Variants in KPNA1 observed in about 807,000 individuals in gnomAD.
The protein encoded by KPNA1 is karyopherin subunit alpha 1, also known as importin subunit alpha-5.
Under a neutral mutation model 70.5 loss-of-function variants are expected in KPNA1, and 10 were observed. The ratio of observed to expected loss-of-function variants is 0.14; its 90% confidence interval spans 0.09 to 0.24. The LOEUF is 0.24. Among genes scored for constraint, KPNA1 ranks in the 10% least tolerant of loss-of-function variants. The pLI, the probability that KPNA1 is intolerant of heterozygous loss-of-function variation, is 1.00. For missense variants in KPNA1, 397 were observed against 637.9 expected (o/e 0.62, Z 4.07); for synonymous variants, 192 against 221.9 (o/e 0.87, Z 1.20).
At position 122,457,938 on chromosome 3, in the gene KPNA1, A is replaced by G. The variant is rs2076282474; in HGVS notation, c.432+3286T>C. On this transcript the variant is annotated intron_variant, in intron 5 of 13. Coordinates refer to ENST00000344337, the MANE Select transcript of KPNA1 (RefSeq NM_002264.4). ...AGAACAGTGCCTGAGTCATCTGAGC[A>G]ACTTTCCAGGAAAGGCAGAGAGATC... 2.7e-6 allele frequency: 3 copies of G among 1,130,268 alleles called. No homozygotes were observed. In the African/African-American group the frequency reaches 4.9e-5, roughly 18 times the overall value. The allele number at this position is 1,130,268 out of a possible 1,614,324, so 70.0% of individuals were successfully genotyped here. A position where few individuals can be genotyped will look rare whatever the true frequency, so the allele number is the denominator to read the frequency against.
At chr3:122,439,108 C>A (rs1001833606) in intron 10 of KPNA1, among the ~76,000 whole-genome samples, 1 of 152,180 alleles carries the variant, frequency 6.6e-6, no homozygotes, top group South Asian at 2.1e-4. Flanking sequence ...AAAAGAGGGA[C>A]TGACACTGCA....
chr3:122,443,244 C>T (rs76170335), intron 9 of KPNA1: 34,180 of 152,356 alleles, frequency 0.22, 4,264 homozygotes, highest in Non-Finnish European at 0.27. Flanking sequence ...TGCAGCCTGG[C>T]GGGGGGAGGG....
At chr3:122,427,427 A>G in intron 13 of KPNA1, 111 bp downstream of exon 13, 1 of 1,120,560 alleles carries the variant, frequency 8.9e-7, no homozygotes, top group South Asian at 1.6e-5. Flanking sequence ...GCAATTTCCT[A>G]ACAGTCCTCT....
At chr3:122,486,624 G>C (rs920964549) in intron 2 of KPNA1, among the ~76,000 whole-genome samples, 1 of 151,196 alleles carries the variant, frequency 6.6e-6, no homozygotes, top group Admixed American at 6.6e-5. Context: ...GTCTCGCTCT[G>C]TCGCCCAGGC....
rs2075831606 is a variant in KPNA1, at chr3:122,427,004, A to G, written c.1598T>C (p.Met533Thr). 1 of 1,614,112 alleles carries G rather than the reference A, an allele frequency of 6.2e-7. No homozygotes were observed. The change falls in exon 14 of 14, where the codon ATG (methionine) becomes ACG (threonine). Residue 533 changes from methionine to threonine, a missense_variant. Coordinates refer to ENST00000344337, the MANE Select transcript of KPNA1 (RefSeq NM_002264.4). ...QYIFQQCEAP[M>T]EGFQL ...ATTGCTTCAAAGCTGGAAACCTTCC[A>G]TAGGAGCCTCACACTGTTGGAAGAT...
intron 10 of KPNA1, among the ~76,000 whole-genome samples, chr3:122,439,685 G>A (rs1396092105): frequency 6.6e-6 from 1 of 152,120 alleles, no homozygotes; most frequent in East Asian, 1.9e-4. Flanking sequence ...CTGTTATTAG[G>A]GGGAATAAAT....
At chr3:122,504,841 T>C (rs2076872540) in intron 1 of KPNA1, among the ~76,000 whole-genome samples, 1 of 152,108 alleles carries the variant, frequency 6.6e-6, no homozygotes, top group South Asian at 2.1e-4. Flanking sequence ...CTCATCAGTA[T>C]CCATAAATGA....
At chr3:122,474,626 C>T (rs1273995754) in intron 2 of KPNA1, among the ~76,000 whole-genome samples, 1 of 152,030 alleles carries the variant, frequency 6.6e-6, no homozygotes, top group Non-Finnish European at 1.5e-5. Context: ...GAAACACTAA[C>T]AAAATTCAAC....
At chr3:122,506,245 T>C (rs1377790453) in intron 1 of KPNA1, among the ~76,000 whole-genome samples, 3 of 152,254 alleles carry the variant, frequency 2.0e-5, no homozygotes, top group African/African-American at 7.2e-5. Flanking sequence ...AATCCTAATA[T>C]ACTTAATTCC....
At chr3:122,452,480 G>T (rs780047401) in intron 6 of KPNA1, among the ~76,000 whole-genome samples, 5 of 145,556 alleles carry the variant, frequency 3.4e-5, no homozygotes, top group Non-Finnish European at 7.5e-5. Context: ...ATGCACTCCA[G>T]CCTGGGTGAC....
At chr3:122,492,150 G>A (rs1296242017) in intron 2 of KPNA1, among the ~76,000 whole-genome samples, 12 of 152,078 alleles carry the variant, frequency 7.9e-5, no homozygotes, top group East Asian at 3.9e-4. Context: ...GTGAGCCACC[G>A]TGCCCGGCCC....
In KPNA1 at chr3:122,424,213, A is replaced by G. The variant is rs1426167740; in HGVS notation, c.*2772T>C. On this transcript the variant is annotated 3_prime_UTR_variant, in exon 14 of 14. Transcript: ENST00000344337. ...CAAAGTCACTTTCCCCAATCCATAT[A>G]TAAAACTACAAAAGAGTTTTCCTGT... 2.6e-5 allele frequency: 4 copies of G among 152,240 alleles called. No individual in the cohort carries two copies. The highest frequency in any genetic ancestry group is 7.2e-5 in the African/African-American group (3 of 41,460). 9.4% of individuals were successfully genotyped at this position (152,240 alleles called of 1,614,324 possible). A position where few individuals can be genotyped will look rare whatever the true frequency, so the allele number is the denominator to read the frequency against.
chr3:122,470,884 T>C lies in KPNA1; in HGVS notation c.130-3455A>G, dbSNP rs146027967. On this transcript the variant is annotated intron_variant, in intron 2 of 13. Transcript: ENST00000344337. ...AACAAATAGAAATCAGTAACAAATA[T>C]GGTAAATATCAATCCAACTATCTTT... 4.1e-3 allele frequency among the ~76,000 whole-genome samples: 630 copies of C among 151,878 alleles called. 5 individuals carry two copies. Among genetic ancestry groups the C allele is most frequent in the African/African-American group, 0.015 (609 of 41,412 alleles).
intron 1 of KPNA1, among the ~76,000 whole-genome samples, chr3:122,504,824 T>C (rs969054039): frequency 6.6e-6 from 1 of 152,126 alleles, no homozygotes; most frequent in Non-Finnish European, 1.5e-5. Flanking sequence ...TTTTAAAACA[T>C]AAATATCTCA....
intron 2 of KPNA1, among the ~76,000 whole-genome samples, chr3:122,484,250 CTG>C (rs2076603810): frequency 6.6e-6 from 1 of 152,144 alleles, no homozygotes; most frequent in African/African-American, 2.4e-5. Flanking sequence ...ACTGGAATAA[CTG>C]TTTAAAAAAG....
At position 122,451,824 on chromosome 3, in the gene KPNA1, T is replaced by C. The variant is rs2076205698; in HGVS notation, c.653+152A>G. The C allele has an allele frequency of 5.9e-6, 4 of 676,010 alleles. No homozygotes were observed. The South Asian group carries it at 6.0e-5, about 10-fold the overall frequency. The allele number at this position is 676,010 out of a possible 1,614,324, so 41.9% of individuals were successfully genotyped here. On this transcript the variant is annotated intron_variant, in intron 7 of 13. Transcript: ENST00000344337. ...TTTGGCATGGAAAAAGATAGGGTGC[T>C]TGAGGAAATGATCTAAACAAGAAAA...
intron 10 of KPNA1, among the ~76,000 whole-genome samples, chr3:122,438,830 G>T (rs1171009857): frequency 6.6e-6 from 1 of 152,142 alleles, no homozygotes; most frequent in Non-Finnish European, 1.5e-5. Context: ...GATGGTAAAA[G>T]ACTGTATGTA....
intron 2 of KPNA1, among the ~76,000 whole-genome samples, chr3:122,491,036 T>C (rs1276445142): frequency 1.3e-5 from 2 of 152,254 alleles, no homozygotes; most frequent in South Asian, 4.1e-4. Flanking sequence ...CAGAGGAAAT[T>C]AGTCAAATTA....
At chr3:122,474,535 T>A (rs1274601741) in intron 2 of KPNA1, among the ~76,000 whole-genome samples, 1 of 152,158 alleles carries the variant, frequency 6.6e-6, no homozygotes, top group Non-Finnish European at 1.5e-5. Context: ...ATAAATCTAG[T>A]ACAATGATCT....
Sources: gnomAD v4.1 joint callset for allele counts (sites outside exome capture counted in the v4.1 genomes callset) on GRCh38, gnomAD v4.1.1 for gene constraint, MANE v1.5 for transcripts, NCBI Gene and HGNC (gene_info 2026-07-23, HGNC 2026-07-21) for gene names.